Variants in EPB41L4B observed in about 807,000 individuals in gnomAD.
EPB41L4B encodes band 4.1-like protein 4B.
A neutral mutation model predicts 112.5 loss-of-function variants in EPB41L4B; 30 were observed. The observed-to-expected ratio is 0.27, with a 90% CI of 0.20 to 0.36. The LOEUF is 0.36. Ranked by LOEUF, EPB41L4B falls within the 10% of genes least tolerant of loss-of-function variation. The pLI, the probability that EPB41L4B is intolerant of heterozygous loss-of-function variation, is 1.00. For missense variants in EPB41L4B, 1,024 were observed against 1,133.3 expected (o/e 0.90, Z 1.38); for synonymous variants, 408 against 439.7 (o/e 0.93, Z 0.90).
At chr9:109,250,437 A>G (rs1272177998) in intron 13 of EPB41L4B, among the ~76,000 whole-genome samples, 4 of 152,170 alleles carry the variant, frequency 2.6e-5, no homozygotes, top group Non-Finnish European at 5.9e-5. Context: ...AGCCGCCTTG[A>G]GACCTGCGCC....
At chr9:109,299,166 C>T (rs530782967) in intron 1 of EPB41L4B, among the ~76,000 whole-genome samples, 40 of 152,292 alleles carry the variant, frequency 2.6e-4, no homozygotes, top group African/African-American at 9.6e-4. Flanking sequence ...GAAATCAGAT[C>T]GTGCTATCAG....
intron 13 of EPB41L4B, among the ~76,000 whole-genome samples, chr9:109,250,424 C>T (rs1236536888): frequency 6.6e-6 from 1 of 152,244 alleles, no homozygotes; most frequent in African/African-American, 2.4e-5. Context: ...AGACCACCCT[C>T]TCAGCCGCCT....
intron 16 of EPB41L4B, among the ~76,000 whole-genome samples, chr9:109,215,012 G>A (rs1046713992): frequency 2.6e-5 from 4 of 152,102 alleles, no homozygotes; most frequent in Admixed American, 6.6e-5. Flanking sequence ...GACAGAGTTC[G>A]GATTCTTCAA....
intron 15 of EPB41L4B, among the ~76,000 whole-genome samples, chr9:109,219,350 T>C (rs754611203): frequency 1.8e-4 from 27 of 152,236 alleles, no homozygotes; most frequent in African/African-American, 6.3e-4. Flanking sequence ...CAAGCACTTT[T>C]GCCTTTGTCC....
intron 5 of EPB41L4B, among the ~76,000 whole-genome samples, chr9:109,263,658 G>A (rs982425360): frequency 2.6e-5 from 4 of 152,282 alleles, no homozygotes; most frequent in Middle Eastern, 3.4e-3. Context: ...AATTTGGTTA[G>A]AAAAACAATA....
rs953422369 is a variant in EPB41L4B, at chr9:109,320,808, G to C, written c.-362C>G. 2 of 145,194 alleles carry C rather than the reference G, an allele frequency of 1.4e-5. No individual in the cohort carries two copies. Among genetic ancestry groups the C allele is most frequent in the African/African-American group, 4.9e-5 (2 of 40,474 alleles). The allele number at this position is 145,194 out of a possible 1,614,324, so 9.0% of individuals were successfully genotyped here. A position where few individuals can be genotyped will look rare whatever the true frequency, so the allele number is the denominator to read the frequency against. On this transcript the variant is annotated 5_prime_UTR_variant, in exon 1 of 26. Coordinates refer to ENST00000374566, the MANE Select transcript of EPB41L4B (RefSeq NM_019114.5). ...CTGCCAGGGGGCTGCCGGGGGCGCG[G>C]GAGGCGGGCTGCGGGCTGCTCCCGC... is the stretch of plus-strand genomic sequence containing the variant.
intron 14 of EPB41L4B, among the ~76,000 whole-genome samples, chr9:109,245,075 C>T (rs1338502583): frequency 6.6e-6 from 1 of 152,222 alleles, no homozygotes; most frequent in Admixed American, 6.5e-5. Flanking sequence ...GAGAAAATAC[C>T]TCAGTAGCAG....
chr9:109,319,529 G>C (rs555050947), intron 1 of EPB41L4B, among the ~76,000 whole-genome samples: 1 of 152,208 alleles, frequency 6.6e-6, no homozygotes, highest in African/African-American at 2.4e-5. Context: ...AGGAGGCTGC[G>C]GGGCAGATGG....
intron 11 of EPB41L4B, among the ~76,000 whole-genome samples, chr9:109,255,026 T>C (rs559791913): frequency 1.3e-5 from 2 of 152,196 alleles, no homozygotes; most frequent in African/African-American, 2.4e-5. Context: ...GGTTTCCTTA[T>C]CTGTAAAATG....
intron 1 of EPB41L4B, among the ~76,000 whole-genome samples, chr9:109,298,098 GA>G (rs1278208077): frequency 2.6e-5 from 4 of 152,116 alleles, no homozygotes; most frequent in Non-Finnish European, 5.9e-5. Flanking sequence ...AGAAGGCAGA[GA>G]ATGACACGTT....
chr9:109,183,702 A>G (rs1326936729), intron 23 of EPB41L4B, among the ~76,000 whole-genome samples: 1 of 152,182 alleles, frequency 6.6e-6, no homozygotes, highest in African/African-American at 2.4e-5. Flanking sequence ...CTGCTGGTGA[A>G]TGCATACCAT....
intron 12 of EPB41L4B, among the ~76,000 whole-genome samples, chr9:109,252,484 C>T (rs1381972289): frequency 1.3e-5 from 2 of 152,164 alleles, no homozygotes; most frequent in African/African-American, 4.8e-5. Flanking sequence ...TTTCCCTCCA[C>T]TAAAGCAGCT....
chr9:109,293,617 C>G (rs1266953788), intron 1 of EPB41L4B, among the ~76,000 whole-genome samples: 2 of 149,590 alleles, frequency 1.3e-5, no homozygotes, highest in African/African-American at 5.0e-5. Context: ...CTCCTGACCT[C>G]AGGTGATCTA....
In EPB41L4B at chr9:109,174,612, A is replaced by G; in HGVS notation, c.2645T>C (p.Leu882Pro). The G allele has an allele frequency of 6.2e-7, 1 of 1,614,102 alleles. No homozygotes were observed. Among genetic ancestry groups the G allele is most frequent in the Non-Finnish European group, 8.5e-7 (1 of 1,179,964 alleles). Residue 882 changes from leucine to proline, a missense_variant, in exon 26 of 26, where the codon CTC becomes CCC. Transcript: ENST00000374566. ...PVSLAASAETLRQELEREKMM... is the reference protein window; with the variant it reads ...PVSLAASAETPRQELEREKMM... ...CTTCTCTCTCTCCAGTTCCTGCCGG[A>G]GTGTCTCTGCACTAAAAAAAAGTAT...
chr9:109,196,094 T>G (rs1370701306), intron 20 of EPB41L4B: 2 of 151,910 alleles, frequency 1.3e-5, no homozygotes, highest in Non-Finnish European at 2.9e-5. Flanking sequence ...TATTTTTGAT[T>G]CTGGGAAATT....
chr9:109,189,877 C>T (rs942024678), intron 22 of EPB41L4B, among the ~76,000 whole-genome samples: 1 of 152,112 alleles, frequency 6.6e-6, no homozygotes, highest in Admixed American at 6.5e-5. Flanking sequence ...GATCCACCCG[C>T]CTTGGCCTTC....
chr9:109,243,212 C>CAAAAAA (rs58092749), intron 15 of EPB41L4B, among the ~76,000 whole-genome samples: 2 of 52,282 alleles, frequency 3.8e-5, no homozygotes, highest in Non-Finnish European at 6.2e-5. Flanking sequence ...CCCACCCCCG[C>CAAAAAA]AAAAAAAAAA....
chr9:109,305,487 G>A (rs1478166524), intron 1 of EPB41L4B, among the ~76,000 whole-genome samples: 3 of 151,612 alleles, frequency 2.0e-5, no homozygotes, highest in Non-Finnish European at 2.9e-5. Flanking sequence ...GTGTGGTGGC[G>A]GGTGCCTGTA....
At chr9:109,289,866 C>G (rs1230608615) in intron 1 of EPB41L4B, among the ~76,000 whole-genome samples, 1 of 151,886 alleles carries the variant, frequency 6.6e-6, no homozygotes, top group South Asian at 2.1e-4. Context: ...AAATTGCATC[C>G]TATTTAAATT....
Sources: allele counts gnomAD v4.1 joint callset (sites outside exome capture counted in the v4.1 genomes callset), GRCh38; gene constraint gnomAD v4.1.1; transcripts MANE v1.5; gene names NCBI Gene and HGNC (gene_info 2026-07-23, HGNC 2026-07-21).